Variants in MED13L observed in about 807,000 individuals in gnomAD.
MED13L encodes mediator of RNA polymerase II transcription subunit 13-like.
A neutral mutation model predicts 220.9 loss-of-function variants in MED13L; 7 were observed. The observed-to-expected ratio is 0.03, with a 90% CI of 0.02 to 0.06. The LOEUF is 0.06. Among genes scored for constraint, MED13L ranks in the 10% least tolerant of loss-of-function variants. The probability of loss-of-function intolerance (pLI) is 1.00; values close to 1 mark genes in which losing one functional copy is unlikely to be tolerated. For missense variants in MED13L, 1,965 were observed against 2,760.5 expected (o/e 0.71, Z 6.46); for synonymous variants, 1,011 against 1,015.2 (o/e 1.00, Z 0.08).
chr12:116,195,216 A>T (rs911303393), intron 2 of MED13L, among the ~76,000 whole-genome samples: 13 of 151,874 alleles, frequency 8.6e-5, no homozygotes, highest in Non-Finnish European at 1.6e-4. Context: ...AGGTGTATCT[A>T]CCATCAGTGG....
intron 2 of MED13L, among the ~76,000 whole-genome samples, chr12:116,232,964 G>T (rs1300108432): frequency 6.6e-6 from 1 of 151,920 alleles, no homozygotes; most frequent in Non-Finnish European, 1.5e-5. Context: ...GCATACACCT[G>T]CAATCCCAGC....
intron 1 of MED13L, among the ~76,000 whole-genome samples, chr12:116,270,556 A>C (rs1873219121): frequency 1.3e-5 from 2 of 152,226 alleles, no homozygotes; most frequent in South Asian, 4.1e-4. Flanking sequence ...ATGACTTCAT[A>C]CTAAACAAAA....
At chr12:116,254,168 G>A (rs1395853512) in intron 1 of MED13L, among the ~76,000 whole-genome samples, 2 of 151,984 alleles carry the variant, frequency 1.3e-5, no homozygotes, top group Admixed American at 1.3e-4. Context: ...TTCTGCCCAA[G>A]AACAGGAACA....
Position 116,124,123 on chromosome 12 carries a change from C to CGAGAGAGA in MED13L, c.311-12619_311-12612dup, listed in dbSNP as rs58366115. Among the ~76,000 whole-genome samples, 635 of 133,532 alleles carry CGAGAGAGA rather than the reference C, an allele frequency of 4.8e-3. 18 individuals carry two copies. Among genetic ancestry groups the CGAGAGAGA allele is most frequent in the Middle Eastern group, 0.016 (4 of 256 alleles). The allele number at this position is 133,532 out of a possible 152,430, so 87.6% of individuals were successfully genotyped here. On this transcript the variant is annotated intron_variant, in intron 2 of 30. Transcript: ENST00000281928. ...ACATCTGCAGAGAGAGAGAGAAAGA[C>CGAGAGAGA]GAGAGAGAGAGAGAGAGAGAGAGAG... is the stretch of plus-strand genomic sequence containing the variant.
intron 4 of MED13L, among the ~76,000 whole-genome samples, chr12:116,067,728 C>A (rs1442942712): frequency 5.3e-5 from 8 of 152,122 alleles, no homozygotes; most frequent in Non-Finnish European, 1.2e-4. Flanking sequence ...GCTATCTATG[C>A]CAGTCACTAC....
In MED13L at chr12:115,982,389, G is replaced by C. The variant is rs1403076559; in HGVS notation, c.5170C>G (p.Leu1724Val). ...LPEHMRNSFILQIVPCQYMLQ... is the reference protein window; with the variant it reads ...LPEHMRNSFIVQIVPCQYMLQ... The stretch of plus-strand genomic sequence containing the variant: ...ATAAACTTGCAAACAGTAACCTGGA[G>C]AATGAAAGAATTTCTCATATGCTCA... Residue 1724 changes from leucine (L) to valine (V), a missense_variant, in exon 22 of 31, where the codon CTC (leucine) becomes GTC (valine). By Grantham distance (32) the Leu-to-Val change is conservative. Around this residue, in one of 10 missense-constraint regions of MED13L, gnomAD observed 510 missense variants for 620.4 expected, o/e 0.82. Transcript: ENST00000281928. 1.2e-6 allele frequency: 2 copies of C among 1,609,872 alleles called. No homozygotes were observed. Among genetic ancestry groups the C allele is most frequent in the Admixed American group, 1.7e-5 (1 of 60,012 alleles).
intron 4 of MED13L, among the ~76,000 whole-genome samples, chr12:116,048,059 G>A (rs949594429): frequency 6.7e-6 from 1 of 150,336 alleles, no homozygotes; most frequent in African/African-American, 2.4e-5. Context: ...GAGACAAGTT[G>A]AAAAGCTTGT....
At chr12:116,183,673 A>T (rs1165706537) in intron 2 of MED13L, among the ~76,000 whole-genome samples, 1 of 152,150 alleles carries the variant, frequency 6.6e-6, no homozygotes. Flanking sequence ...ACATGCTCAC[A>T]ATATCTGTTT....
chr12:116,032,058 A>G (rs1396116309), intron 4 of MED13L, among the ~76,000 whole-genome samples: 1 of 152,128 alleles, frequency 6.6e-6, no homozygotes, highest in African/African-American at 2.4e-5. Flanking sequence ...CAGAAAATAA[A>G]CCAATAAAAG....
chr12:116,096,662 G>A lies in MED13L; in HGVS notation c.479+7C>T. Reference sequence around the variant, plus strand: ...ACCAAAAAGCCAAGAGCATTCTAAAGGCTCACCTTTTGTTGACTGGCTTTT... The same window carrying A: ...ACCAAAAAGCCAAGAGCATTCTAAAAGCTCACCTTTTGTTGACTGGCTTTT... On this transcript the variant is annotated splice_region_variant and intron_variant, in intron 4 of 30. Coordinates refer to ENST00000281928, the MANE Select transcript of MED13L (RefSeq NM_015335.5). The A allele has an allele frequency of 6.2e-7, 1 of 1,613,146 alleles. No homozygotes were observed. The highest frequency in any genetic ancestry group is 1.1e-5 in the South Asian group (1 of 91,068).
chr12:116,085,754 T>TCACACACACA (rs10611880), intron 4 of MED13L, among the ~76,000 whole-genome samples: 182 of 147,116 alleles, frequency 1.2e-3, no homozygotes, highest in Middle Eastern at 6.9e-3. Flanking sequence ...TTAAAATCAC[T>TCACACACACA]CACACACACA....
chr12:116,199,158 A>T (rs1293704229), intron 2 of MED13L, among the ~76,000 whole-genome samples: 1 of 152,014 alleles, frequency 6.6e-6, no homozygotes, highest in Admixed American at 6.6e-5. Context: ...TTCCCTTTCC[A>T]TTCTGGTCCC....
chr12:116,138,456 C>CA (rs1315920923), intron 2 of MED13L, among the ~76,000 whole-genome samples: 1 of 152,170 alleles, frequency 6.6e-6, no homozygotes, highest in Non-Finnish European at 1.5e-5. Flanking sequence ...AATTCTCTCT[C>CA]AATGTTCTTT....
chr12:116,009,215 T>A, intron 9 of MED13L, 83 bp from the exon 10 acceptor site: 1 of 1,364,896 alleles, frequency 7.3e-7, no homozygotes. Flanking sequence ...AAAGCATACA[T>A]TAGATGTACT....
At chr12:115,966,520 T>C (rs150999567) in intron 28 of MED13L, among the ~76,000 whole-genome samples, 26 of 152,354 alleles carry the variant, frequency 1.7e-4, no homozygotes, top group African/African-American at 5.8e-4. Context: ...TTTCATGGCA[T>C]TATGATGTAA....
chr12:116,008,407 A>G lies in MED13L; in HGVS notation c.2006T>C (p.Leu669Ser), dbSNP rs1231336279. The G allele has an allele frequency of 1.9e-6, 3 of 1,609,288 alleles. No homozygotes were observed. Among genetic ancestry groups the G allele is most frequent in the South Asian group, 2.2e-5 (2 of 90,638 alleles). Residue 669 changes from leucine (L) to serine (S), a missense_variant, in exon 10 of 31, where the codon TTG (leucine) becomes TCG (serine). Physicochemically the swap from Leu to Ser is moderately radical, Grantham distance 145. Around this residue, in one of 10 missense-constraint regions of MED13L, gnomAD observed 818 missense variants for 1,041.2 expected, o/e 0.79. Coordinates refer to ENST00000281928, the MANE Select transcript of MED13L (RefSeq NM_015335.5). ...KMEVNSESTA[L>S]QRLLAQPNKR... ...GTGCAGAGAGCTGTCTTACCTTTGC[A>G]ATGCAGTGCTCTCTGAGTTTACCTC...
chr12:116,192,428 A>G (rs2138271161), intron 2 of MED13L, among the ~76,000 whole-genome samples: 1 of 152,314 alleles, frequency 6.6e-6, no homozygotes, highest in Admixed American at 6.5e-5. Context: ...AAAGCTAATA[A>G]GAAATGAAAC....
intron 2 of MED13L, among the ~76,000 whole-genome samples, chr12:116,161,271 T>C (rs950748843): frequency 6.6e-6 from 1 of 152,124 alleles, no homozygotes; most frequent in African/African-American, 2.4e-5. Context: ...ACCACATCAG[T>C]GGACGTGCAC....
intron 4 of MED13L, among the ~76,000 whole-genome samples, chr12:116,067,257 T>A (rs1045608047): frequency 1.3e-5 from 2 of 152,236 alleles, no homozygotes; most frequent in Non-Finnish European, 2.9e-5. Context: ...ACCTCTGTAT[T>A]TCATTCAATC....
Sources: gnomAD v4.1 joint callset for allele counts (sites outside exome capture counted in the v4.1 genomes callset) on GRCh38, gnomAD v4.1.1 for gene constraint, gnomAD v4.1.1 regional missense constraint, MANE v1.5 for transcripts, NCBI Gene and HGNC (gene_info 2026-07-23, HGNC 2026-07-21) for gene names.